Variants in MYO18B observed in about 807,000 individuals in gnomAD.
MYO18B encodes myosin XVIIIB.
A neutral mutation model predicts 273.0 loss-of-function variants in MYO18B; 204 were observed. The ratio of observed to expected loss-of-function variants is 0.75; its 90% CI spans 0.67 to 0.84. MYO18B has a LOEUF of 0.84. Ranked by LOEUF, MYO18B falls within the 40% of genes least tolerant of loss-of-function variation. The probability of loss-of-function intolerance (pLI) is 0.00; values close to 1 mark genes in which losing one functional copy is unlikely to be tolerated. For missense variants in MYO18B, 3,212 were observed against 3,287.6 expected (o/e 0.98, Z 0.56); for synonymous variants, 1,330 against 1,305.7 (o/e 1.02, Z -0.40).
chr22:25,878,576 C>T (rs1232389568), intron 25 of MYO18B, among the ~76,000 whole-genome samples: 1 of 152,098 alleles, frequency 6.6e-6, no homozygotes, highest in Admixed American at 6.5e-5. Flanking sequence ...AAGGAAGGGA[C>T]GCTTGTTTCA....
Position 25,944,479 on chromosome 22 carries a change from C to T in MYO18B, c.5518-1658C>T, listed in dbSNP as rs147762092. Reference sequence around the variant, plus strand: ...CAGAAAAGGGGGATAAGAGGGCCAACGGGACTTACTGTAGACCTGCTAAAT... The same window carrying T: ...CAGAAAAGGGGGATAAGAGGGCCAATGGGACTTACTGTAGACCTGCTAAAT... On this transcript the variant is annotated intron_variant, in intron 34 of 43. Coordinates refer to ENST00000335473, the MANE Select transcript of MYO18B (RefSeq NM_032608.7). Among the ~76,000 whole-genome samples the T allele has an allele frequency of 1.4e-3, 217 of 152,232 alleles. 3 individuals carry two copies. The South Asian group carries it at 0.031, about 22-fold the overall frequency.
chr22:25,869,609 A>G (rs965218576), intron 22 of MYO18B, among the ~76,000 whole-genome samples: 2 of 152,126 alleles, frequency 1.3e-5, no homozygotes, highest in African/African-American at 4.8e-5. Context: ...AACTTTGTCA[A>G]TGGCCTTCCA....
At chr22:25,985,716 G>A (rs1474369633) in intron 39 of MYO18B, among the ~76,000 whole-genome samples, 1 of 151,304 alleles carries the variant, frequency 6.6e-6, no homozygotes, top group African/African-American at 2.4e-5. Flanking sequence ...TGCACCCTCC[G>A]CCTCCCAGGT....
At chr22:26,007,581 C>G (rs542816369) in intron 42 of MYO18B, among the ~76,000 whole-genome samples, 1 of 152,248 alleles carries the variant, frequency 6.6e-6, no homozygotes, top group African/African-American at 2.4e-5. Context: ...TACTGAGCAC[C>G]AGATCCTACG....
At position 25,777,716 on chromosome 22, in the gene MYO18B, C is replaced by T. The variant is rs2086971370; in HGVS notation, c.2003C>T (p.Thr668Ile). Residue 668 changes from threonine to isoleucine, a missense_variant, in exon 8 of 44, where the codon ACC becomes ATC. Thr to Ile is a moderately conservative substitution (Grantham distance 89, BLOSUM62 -1). Transcript: ENST00000335473. ...GGCTGGAGTGGCGCTGGGAAGACCA[C>T]CTGCTGTGAGCAGGTCCTGGAACAC... The part of the protein sequence containing the change: ...ALGWSGAGKT[T>I]CCEQVLEHLV... 6.2e-7 allele frequency: 1 copy of T among 1,612,222 alleles called. No homozygotes were observed. The highest frequency in any genetic ancestry group is 8.5e-7 in the Non-Finnish European group (1 of 1,179,010).
chr22:25,980,104 C>T (rs751408879), intron 39 of MYO18B, among the ~76,000 whole-genome samples: 6 of 152,108 alleles, frequency 3.9e-5, no homozygotes, highest in Non-Finnish European at 8.8e-5. Context: ...TTTTTCTCTG[C>T]CACCCCGTGA....
At chr22:25,930,451 G>T (rs947584288) in intron 34 of MYO18B, among the ~76,000 whole-genome samples, 1 of 151,478 alleles carries the variant, frequency 6.6e-6, no homozygotes, top group Non-Finnish European at 1.5e-5. Context: ...ACCTCTCCCC[G>T]CCATGCCACC....
At chr22:25,848,917 T>C (rs2090338840) in intron 20 of MYO18B, among the ~76,000 whole-genome samples, 1 of 152,184 alleles carries the variant, frequency 6.6e-6, no homozygotes, top group Non-Finnish European at 1.5e-5. Context: ...CATCTCCCCC[T>C]GCTGGGTTAA....
In MYO18B at chr22:25,843,788, C is replaced by T; in HGVS notation, c.3262C>T (p.Gln1088Ter). 6.2e-7 allele frequency: 1 copy of T among 1,613,982 alleles called. No homozygotes were observed. The highest frequency in any genetic ancestry group is 1.1e-5 in the South Asian group (1 of 91,068). ...EQPLQCEIFH[Q>*]LGWDPVRYDL... ...GCCCCTCCAGTGTGAGATTTTCCACCAGTTGGGATGGGACCCTGTGCGGTA... is the reference window on the plus strand; with the variant it reads ...GCCCCTCCAGTGTGAGATTTTCCACTAGTTGGGATGGGACCCTGTGCGGTA... Residue 1088 changes from glutamine to a stop codon, truncating the protein, a stop_gained, in exon 18 of 44, where the codon CAG becomes TAG. Transcript: ENST00000335473. LOFTEE classifies it high-confidence loss of function.
chr22:25,834,571 G>A (rs1261139706), intron 16 of MYO18B, among the ~76,000 whole-genome samples: 2 of 152,200 alleles, frequency 1.3e-5, no homozygotes, highest in African/African-American at 4.8e-5. Context: ...GGGCAAAGTA[G>A]GACAGTTGGT....
At chr22:25,992,094 A>T (rs748340119) in intron 39 of MYO18B, among the ~76,000 whole-genome samples, 4 of 152,198 alleles carry the variant, frequency 2.6e-5, no homozygotes, top group African/African-American at 9.7e-5. Context: ...CTGGGGTCAG[A>T]TGCATTGGGA....
intron 32 of MYO18B, 70 bp from the exon 33 acceptor site, chr22:25,910,876 C>G: frequency 8.0e-7 from 1 of 1,250,320 alleles, no homozygotes; most frequent in Non-Finnish European, 1.1e-6. Flanking sequence ...TTCTGAGGGT[C>G]CTTGCCTTGT....
At chr22:25,755,084 C>T (rs562738491) in intron 1 of MYO18B, among the ~76,000 whole-genome samples, 24 of 152,296 alleles carry the variant, frequency 1.6e-4, no homozygotes, top group African/African-American at 5.8e-4. Context: ...CACTCGGGGG[C>T]CTCGCCAGTG....
chr22:25,843,648 A>T, intron 17 of MYO18B, 87 bp from the exon 18 acceptor site: 2 of 1,406,918 alleles, frequency 1.4e-6, no homozygotes, highest in Non-Finnish European at 9.7e-7. Flanking sequence ...ACACGTTAAG[A>T]TGGATACTGT....
chr22:26,014,901 G>A (rs1601835394), intron 42 of MYO18B, among the ~76,000 whole-genome samples: 1 of 139,260 alleles, frequency 7.2e-6, no homozygotes, highest in East Asian at 1.9e-4. Flanking sequence ...ACTTTTTAAT[G>A]GGTTTTTTTT....
intron 29 of MYO18B, chr22:25,898,698 G>A (rs2091866709): frequency 4.2e-6 from 2 of 480,416 alleles, no homozygotes; most frequent in South Asian, 6.9e-5. Context: ...TTGTGACCTT[G>A]GGGAACTTTC....
At chr22:25,814,529 G>T (rs963412774) in intron 12 of MYO18B, among the ~76,000 whole-genome samples, 2 of 151,920 alleles carry the variant, frequency 1.3e-5, no homozygotes, top group Non-Finnish European at 2.9e-5. Context: ...TTATTTTACA[G>T]ATGAAGAAAC....
chr22:25,777,823 C>T (rs374203595), intron 8 of MYO18B, 42 bp downstream of exon 8: 24 of 1,517,548 alleles, frequency 1.6e-5, no homozygotes, highest in African/African-American at 8.4e-5. Context: ...GGGGTCAGCA[C>T]GGGGAGAGTT....
intron 11 of MYO18B, among the ~76,000 whole-genome samples, chr22:25,792,555 C>T (rs1444506161): frequency 5.2e-5 from 7 of 133,812 alleles, no homozygotes; most frequent in Non-Finnish European, 1.1e-4. Flanking sequence ...AGTGCAATGG[C>T]GCGGTCTCGG....
Sources: allele counts gnomAD v4.1 joint callset (sites outside exome capture counted in the v4.1 genomes callset), GRCh38; gene constraint gnomAD v4.1.1; transcripts MANE v1.5; gene names NCBI Gene and HGNC (gene_info 2026-07-23, HGNC 2026-07-21).